ARHGAP21: variants seen among roughly 807,000 people sequenced by gnomAD.
The protein encoded by ARHGAP21 is Rho GTPase activating protein 21.
In ARHGAP21, 38 loss-of-function variants were observed where a neutral mutation model predicts 164.6. The ratio of observed to expected loss-of-function variants is 0.23; its 90% CI spans 0.18 to 0.30. The LOEUF is 0.30. ARHGAP21 is among the 10% of genes least tolerant of loss of function. The pLI, the probability that ARHGAP21 is intolerant of heterozygous loss-of-function variation, is 1.00. For missense variants in ARHGAP21, 1,822 were observed against 2,370.7 expected, an observed-to-expected ratio of 0.77 and a Z score of 4.81; for synonymous variants, 766 against 857.9, an observed-to-expected ratio of 0.89 and a Z score of 1.87.
chr10:24,601,972 C>T lies in ARHGAP21; in HGVS notation c.2847+6G>A, dbSNP rs375457890. 1.9e-6 allele frequency: 3 copies of T among 1,570,382 alleles called. No homozygotes were observed. Among genetic ancestry groups the T allele is most frequent in the East Asian group, 2.3e-5 (1 of 43,848 alleles). Reference sequence around the variant, plus strand: ...GACACTCAGGGTGGCTTAGAAAACACACTACCTTGCCCTTATCGGTGACAA... The same window carrying T: ...GACACTCAGGGTGGCTTAGAAAACATACTACCTTGCCCTTATCGGTGACAA... On this transcript the variant is annotated splice_donor_region_variant and intron_variant, in intron 13 of 25. Coordinates refer to ENST00000396432, the MANE Select transcript of ARHGAP21 (RefSeq NM_020824.4).
intron 9 of ARHGAP21, among the ~76,000 whole-genome samples, chr10:24,619,249 C>A (rs998986155): frequency 1.4e-5 from 2 of 141,856 alleles, no homozygotes; most frequent in Admixed American, 1.5e-4. Flanking sequence ...GTACTAGGTA[C>A]ATGAAGTTTT....
chr10:24,680,857 T>C (rs1841696267), intron 2 of ARHGAP21, among the ~76,000 whole-genome samples: 1 of 152,158 alleles, frequency 6.6e-6, no homozygotes, highest in Non-Finnish European at 1.5e-5. Flanking sequence ...ATTTCCCTAA[T>C]GTGAGTGCCA....
At chr10:24,700,193 G>C (rs1341321904) in intron 2 of ARHGAP21, among the ~76,000 whole-genome samples, 1 of 152,148 alleles carries the variant, frequency 6.6e-6, no homozygotes, top group African/African-American at 2.4e-5. Context: ...TGTGCATTTT[G>C]GCAATGCCCG....
intron 2 of ARHGAP21, among the ~76,000 whole-genome samples, chr10:24,676,185 A>T (rs1376579246): frequency 3.3e-5 from 5 of 152,180 alleles, no homozygotes; most frequent in Non-Finnish European, 7.3e-5. Flanking sequence ...AGTAAAAATG[A>T]TTCTAGAATT....
Position 24,621,084 on chromosome 10 carries a change from C to T in ARHGAP21, c.811G>A (p.Val271Ile). ...NTAVCVCNES[V>I]RTVIVPSEKV... ...TCAGAAGGCACAATGACAGTCCTTA[C>T]ACTTTCATTGCAAACACACACTGCT... The change falls in exon 9 of 26, where the codon GTA (valine) becomes ATA (isoleucine). Residue 271 changes from valine to isoleucine, a missense_variant. Physicochemically the swap from Val to Ile is conservative, Grantham distance 29. Coordinates refer to ENST00000396432, the MANE Select transcript of ARHGAP21 (RefSeq NM_020824.4). The T allele has an allele frequency of 6.2e-7, 1 of 1,613,914 alleles. No individual in the cohort carries two copies.
chr10:24,693,274 T>C (rs1481496591), intron 2 of ARHGAP21, among the ~76,000 whole-genome samples: 1 of 152,228 alleles, frequency 6.6e-6, no homozygotes, highest in Non-Finnish European at 1.5e-5. Flanking sequence ...ATGAATCTGA[T>C]TGTCATTGTC....
At chr10:24,597,002 C>T (rs2076612043) in intron 16 of ARHGAP21, 120 bp from the exon 17 acceptor site, 1 of 1,080,940 alleles carries the variant, frequency 9.3e-7, no homozygotes, top group African/African-American at 1.7e-5. Flanking sequence ...ATAAATAATA[C>T]ATCCTATATT....
At chr10:24,594,400 C>G (rs1027922775) in intron 21 of ARHGAP21, among the ~76,000 whole-genome samples, 3 of 152,080 alleles carry the variant, frequency 2.0e-5, no homozygotes, top group African/African-American at 4.8e-5. Context: ...AATCCCAGCA[C>G]TTTGGGAGGC....
intron 2 of ARHGAP21, among the ~76,000 whole-genome samples, chr10:24,675,951 T>G (rs973945861): frequency 5.3e-5 from 8 of 152,064 alleles, no homozygotes; most frequent in Non-Finnish European, 7.4e-5. Context: ...AGTTTGAGAC[T>G]AGCCTGGCCA....
intron 4 of ARHGAP21, among the ~76,000 whole-genome samples, chr10:24,656,224 C>A (rs1192385915): frequency 1.5e-4 from 21 of 136,366 alleles, no homozygotes; most frequent in African/African-American, 3.9e-4. Flanking sequence ...GGGGGGTCAT[C>A]CCCCCGCCCG....
At chr10:24,655,409 TAAAC>T (rs1417765592) in intron 4 of ARHGAP21, among the ~76,000 whole-genome samples, 1 of 152,070 alleles carries the variant, frequency 6.6e-6, no homozygotes, top group Admixed American at 6.6e-5. Flanking sequence ...ACAAAGAACT[TAAAC>T]AAATTTACAA....
intron 4 of ARHGAP21, among the ~76,000 whole-genome samples, chr10:24,641,921 G>A (rs975195751): frequency 1.1e-4 from 16 of 151,806 alleles, no homozygotes; most frequent in East Asian, 1.9e-4. Flanking sequence ...GCTTAAACAC[G>A]GGAGGTGGAG....
rs142274126 is a variant in ARHGAP21, at chr10:24,653,215, CT to C, written c.268+13769del. The stretch of plus-strand genomic sequence containing the variant: ...TTATGCTAACAAGTTCCCTGGTACC[CT>C]TTCCCAGTCAATTCAGGAAACCACA... On this transcript the variant is annotated intron_variant, in intron 4 of 25. Transcript: ENST00000396432. 2.6e-4 allele frequency among the ~76,000 whole-genome samples: 39 copies of C among 152,308 alleles called. No homozygotes were observed. The East Asian group carries it at 6.8e-3, about 26-fold the overall frequency.
At chr10:24,641,687 C>G (rs1460044487) in intron 4 of ARHGAP21, among the ~76,000 whole-genome samples, 1 of 152,230 alleles carries the variant, frequency 6.6e-6, no homozygotes, top group East Asian at 1.9e-4. Flanking sequence ...TCAACCCACA[C>G]CTCTCTAGTT....
At chr10:24,669,108 T>C (rs963779046) in intron 3 of ARHGAP21, among the ~76,000 whole-genome samples, 1 of 152,216 alleles carries the variant, frequency 6.6e-6, no homozygotes, top group African/African-American at 2.4e-5. Context: ...GTAGCAATTA[T>C]TTACAATCCT....
intron 14 of ARHGAP21, among the ~76,000 whole-genome samples, chr10:24,599,866 G>T (rs1031826115): frequency 6.6e-6 from 1 of 152,164 alleles, no homozygotes; most frequent in African/African-American, 2.4e-5. Flanking sequence ...GGGCGCGGTG[G>T]CTCACGCCTG....
intron 6 of ARHGAP21, among the ~76,000 whole-genome samples, chr10:24,630,726 C>T (rs1324652170): frequency 6.6e-6 from 1 of 152,174 alleles, no homozygotes; most frequent in Non-Finnish European, 1.5e-5. Context: ...TTCCTGACCT[C>T]AAGGGACCTG....
chr10:24,641,857 C>G (rs1837063606), intron 4 of ARHGAP21, among the ~76,000 whole-genome samples: 1 of 152,014 alleles, frequency 6.6e-6, no homozygotes, highest in Non-Finnish European at 1.5e-5. Context: ...ATTAGCCGGG[C>G]ATTGTGGCAC....
At chr10:24,598,293 C>T (rs2130865681) in intron 14 of ARHGAP21, among the ~76,000 whole-genome samples, 1 of 152,190 alleles carries the variant, frequency 6.6e-6, no homozygotes, top group Non-Finnish European at 1.5e-5. Flanking sequence ...ATTGATCCGT[C>T]CATTTAAAAT....
Sources: gnomAD v4.1 joint callset for allele counts (sites outside exome capture counted in the v4.1 genomes callset) on GRCh38, gnomAD v4.1.1 for gene constraint, MANE v1.5 for transcripts, NCBI Gene and HGNC (gene_info 2026-07-23, HGNC 2026-07-21) for gene names.